Variants in HK1 observed in about 807,000 individuals in gnomAD.
HK1 encodes hexokinase 1, also known as hexokinase-1.
A neutral mutation model predicts 91.6 loss-of-function variants in HK1; 28 were observed. The observed-to-expected ratio is 0.31, with a 90% confidence interval of 0.23 to 0.42. The LOEUF is 0.42. Ranked by LOEUF, HK1 falls within the 10% of genes least tolerant of loss-of-function variation. The pLI, the probability that HK1 is intolerant of heterozygous loss-of-function variation, is 1.00. For missense variants in HK1, 770 were observed against 1,219.8 expected (o/e 0.63, Z 5.49); for synonymous variants, 430 against 468.1 (o/e 0.92, Z 1.05).
chr10:69,276,138 T>C lies in HK1; in HGVS notation c.-391+6030T>C, dbSNP rs4745980. Among the ~76,000 whole-genome samples the C allele has an allele frequency of 6.2e-3, 473 of 76,326 alleles. 38 individuals carry two copies. Among genetic ancestry groups the C allele is most frequent in the East Asian group, 0.059 (75 of 1,282 alleles). The allele number at this position is 76,326 out of a possible 152,430, so 50.1% of individuals were successfully genotyped here. On this transcript the variant is annotated intron_variant, in intron 1 of 21. Transcript: ENST00000360289. Reference sequence around the variant, plus strand: ...AAAAAAATACATATATATATATATATACACATATATATATTCTATATTAAA... The same window carrying C: ...AAAAAAATACATATATATATATATACACACATATATATATTCTATATTAAA...
chr10:69,382,382 A>T (rs754328317), intron 9 of HK1, 105 bp from the exon 10 acceptor site: 3 of 1,242,564 alleles, frequency 2.4e-6, no homozygotes, highest in Non-Finnish European at 3.6e-6. Flanking sequence ...CTCAAAAAAA[A>T]GGAAAAGAAA....
At chr10:69,344,357 G>A (rs1186159676) in intron 2 of HK1, among the ~76,000 whole-genome samples, 1 of 152,182 alleles carries the variant, frequency 6.6e-6, no homozygotes, top group African/African-American at 2.4e-5. Flanking sequence ...TTCAGAACAT[G>A]AAGAACTCCA....
At chr10:69,288,688 G>T in exon 3 of HK1, 2 of 1,574,982 alleles carry the variant, frequency 1.3e-6, no homozygotes, top group African/African-American at 1.3e-5. Flanking sequence ...AGACCCAGCT[G>T]TTGAGAGTAG....
At chr10:69,272,942 T>C (rs1844243775) in intron 1 of HK1, among the ~76,000 whole-genome samples, 1 of 151,914 alleles carries the variant, frequency 6.6e-6, no homozygotes, top group Non-Finnish European at 1.5e-5. Flanking sequence ...CATCCTGTCT[T>C]ACATCTCTTT....
At chr10:69,366,779 C>G (rs1849725355) in intron 4 of HK1, among the ~76,000 whole-genome samples, 1 of 152,198 alleles carries the variant, frequency 6.6e-6, no homozygotes. Context: ...TTTCCCTTGG[C>G]TTTTGAGAAC....
intron 2 of HK1, among the ~76,000 whole-genome samples, chr10:69,351,598 G>A (rs991411725): frequency 2.6e-5 from 4 of 152,204 alleles, no homozygotes; most frequent in African/African-American, 9.7e-5. Context: ...GAAAAGAAGT[G>A]TAGCCATTCC....
At chr10:69,327,271 G>A (rs546359890) in intron 1 of HK1, among the ~76,000 whole-genome samples, 3 of 152,176 alleles carry the variant, frequency 2.0e-5, no homozygotes, top group East Asian at 3.9e-4. Context: ...TGGGATTATA[G>A]GCCTGAGCCC....
At chr10:69,344,893 G>A (rs1190124900) in intron 2 of HK1, among the ~76,000 whole-genome samples, 1 of 152,190 alleles carries the variant, frequency 6.6e-6, no homozygotes, top group African/African-American at 2.4e-5. Flanking sequence ...CAGAGGGAGG[G>A]AGAGCAGGAG....
chr10:69,283,340 G>C (rs1425494090), intron 2 of HK1, among the ~76,000 whole-genome samples: 2 of 149,652 alleles, frequency 1.3e-5, no homozygotes, highest in African/African-American at 2.5e-5. Flanking sequence ...TGTGGTCCCA[G>C]CTACTCTGGA....
In HK1 at chr10:69,318,873, G is replaced by C; in HGVS notation, c.-75G>C. On this transcript the variant is annotated 5_prime_UTR_variant, in exon 1 of 18. Coordinates refer to ENST00000359426, the MANE Select transcript of HK1 (RefSeq NM_000188.3). ...AGGAGGAGCCGCCGAGCAGCCGCCGGAGGACCACGGCTCGCCAGGGCTGCG... is the reference window on the plus strand; with the variant it reads ...AGGAGGAGCCGCCGAGCAGCCGCCGCAGGACCACGGCTCGCCAGGGCTGCG... 1 of 1,516,498 alleles carries C rather than the reference G, an allele frequency of 6.6e-7. No individual in the cohort carries two copies. The highest frequency in any genetic ancestry group is 8.8e-7 in the Non-Finnish European group (1 of 1,133,776). 93.9% of individuals were successfully genotyped at this position (1,516,498 alleles called of 1,614,324 possible).
chr10:69,319,752 CTCCTG>C (rs1441712661), intron 1 of HK1, among the ~76,000 whole-genome samples: 1 of 152,240 alleles, frequency 6.6e-6, no homozygotes, highest in East Asian at 1.9e-4. Context: ...CGCATGCATC[CTCCTG>C]TCCTGAGGTG....
rs112071230 is a variant in HK1, at chr10:69,301,591, A to G, written c.27+730A>G. ...TCTGTCTCAAAAAAAAAAAAAAAAA[A>G]AAAAGAAAAGAAAACAATTCCATGT... On this transcript the variant is annotated intron_variant, in intron 5 of 21. Coordinates refer to the HK1 transcript ENST00000360289. Among the ~76,000 whole-genome samples the G allele has an allele frequency of 5.7e-3, 852 of 150,442 alleles. 14 individuals carry two copies. Among genetic ancestry groups the G allele is most frequent in the African/African-American group, 0.019 (779 of 40,812 alleles).
chr10:69,325,293 C>A (rs561033045), intron 1 of HK1, among the ~76,000 whole-genome samples: 1 of 151,508 alleles, frequency 6.6e-6, no homozygotes, highest in Non-Finnish European at 1.5e-5. Context: ...TCTTGTGATC[C>A]GCCTGCCTCG....
In HK1 at chr10:69,392,321, G is replaced by A. The variant is rs749642677; in HGVS notation, c.2219+13G>A. 12 of 1,614,028 alleles carry A rather than the reference G, an allele frequency of 7.4e-6. No homozygotes were observed. In the South Asian group the frequency reaches 7.7e-5, roughly 10 times the overall value. ...CTGGGAAACAAAGGTAACCCCGCCTGGTGGAGAGGACACTCACAGTCAGGG... is the reference window on the plus strand; with the variant it reads ...CTGGGAAACAAAGGTAACCCCGCCTAGTGGAGAGGACACTCACAGTCAGGG... On this transcript the variant is annotated intron_variant, in intron 15 of 17. Transcript: ENST00000359426.
chr10:69,298,102 T>C (rs976320819), intron 4 of HK1, among the ~76,000 whole-genome samples: 1 of 150,754 alleles, frequency 6.6e-6, no homozygotes, highest in Non-Finnish European at 1.5e-5. Flanking sequence ...TCCCAGCTAC[T>C]CGGGAGGCTG....
chr10:69,358,918 C>T (rs112146980), intron 2 of HK1, among the ~76,000 whole-genome samples: 5,801 of 150,092 alleles, frequency 0.039, 383 homozygotes, highest in African/African-American at 0.14. Flanking sequence ...GTGGCTCATA[C>T]CTGCCTATAG....
chr10:69,328,199 G>A (rs1297043202), intron 1 of HK1, among the ~76,000 whole-genome samples: 1 of 152,192 alleles, frequency 6.6e-6, no homozygotes, highest in Non-Finnish European at 1.5e-5. Context: ...TACCCACGTG[G>A]CAGGGAAAAC....
At chr10:69,400,903 A>G (rs1840356036) in intron 17 of HK1, 88 bp from the exon 18 acceptor site, 4 of 1,356,262 alleles carry the variant, frequency 2.9e-6, no homozygotes, top group Non-Finnish European at 4.2e-6. Flanking sequence ...ATCACCAGTC[A>G]GGGGGCTGTC....
At chr10:69,325,901 C>T (rs77801311) in intron 1 of HK1, among the ~76,000 whole-genome samples, 1,683 of 151,348 alleles carry the variant, frequency 0.011, 38 homozygotes, top group African/African-American at 0.039. Flanking sequence ...GTAGCACGAT[C>T]TCACCTCCCT....
Sources: allele counts gnomAD v4.1 joint callset (sites outside exome capture counted in the v4.1 genomes callset), GRCh38; gene constraint gnomAD v4.1.1; transcripts MANE v1.5; gene names NCBI Gene and HGNC (gene_info 2026-07-23, HGNC 2026-07-21).